The following AMOTL1 variants were observed in gnomAD, a reference collection of about 807,000 sequenced individuals.
AMOTL1 encodes angiomotin-like protein 1.
In AMOTL1, 45 loss-of-function variants were observed where a neutral mutation model predicts 102.9. That is an observed-to-expected ratio of 0.44 (90% CI 0.34 to 0.56). AMOTL1 has a LOEUF of 0.56. AMOTL1 is among the 20% of genes least tolerant of loss of function. AMOTL1 has a pLI of 0.01. For missense variants in AMOTL1, 1,114 were observed against 1,225.6 expected (o/e 0.91, Z 1.36); for synonymous variants, 481 against 484.7 (o/e 0.99, Z 0.10).
chr11:94,857,322 G>A (rs570802368), intron 8 of AMOTL1, among the ~76,000 whole-genome samples: 12 of 152,290 alleles, frequency 7.9e-5, no homozygotes, highest in Admixed American at 3.9e-4. Flanking sequence ...TAGGGCATTC[G>A]TAGGTACCCT....
chr11:94,717,773 A>G (rs1333963286), intron 1 of AMOTL1, among the ~76,000 whole-genome samples: 1 of 151,918 alleles, frequency 6.6e-6, no homozygotes, highest in Non-Finnish European at 1.5e-5. Flanking sequence ...CAATAAATAG[A>G]AAAAAGATCA....
chr11:94,860,450 C>G (rs1308302940), intron 9 of AMOTL1, among the ~76,000 whole-genome samples: 1 of 152,140 alleles, frequency 6.6e-6, no homozygotes, highest in South Asian at 2.1e-4. Flanking sequence ...TAAACTAGCT[C>G]AAAGTGTGCA....
At chr11:94,816,061 A>G (rs1951760377) in intron 3 of AMOTL1, among the ~76,000 whole-genome samples, 1 of 152,214 alleles carries the variant, frequency 6.6e-6, no homozygotes, top group African/African-American at 2.4e-5. Flanking sequence ...AGAATTGGGT[A>G]GTACAATGAA....
chr11:94,809,671 A>G lies in AMOTL1; in HGVS notation c.1121+9360A>G, dbSNP rs186013563. Among the ~76,000 whole-genome samples the G allele has an allele frequency of 4.2e-3, 638 of 152,362 alleles. 12 individuals carry two copies. The highest frequency in any genetic ancestry group is 0.035 in the South Asian group (169 of 4,832). ...TCATAACTTTATAGCCCTTATGCCA[A>G]ATTTTTACATCTAGCAGAGATAAAT... is the stretch of plus-strand genomic sequence containing the variant. On this transcript the variant is annotated intron_variant, in intron 3 of 12. Coordinates refer to ENST00000433060, the MANE Select transcript of AMOTL1 (RefSeq NM_130847.3).
chr11:94,837,741 T>A (rs965397613), intron 6 of AMOTL1, among the ~76,000 whole-genome samples: 5 of 152,250 alleles, frequency 3.3e-5, no homozygotes, highest in African/African-American at 9.6e-5. Flanking sequence ...TGCCTATTGG[T>A]CATGTGTTGA....
Position 94,824,402 on chromosome 11 carries a change from G to A in AMOTL1, c.1413+2581G>A, listed in dbSNP as rs529129355. ...CAGTTTCCAAGAACCTGTCAGTGACGTTACATGAGGACTTACTGTACTACA... is the reference window on the plus strand; with the variant it reads ...CAGTTTCCAAGAACCTGTCAGTGACATTACATGAGGACTTACTGTACTACA... On this transcript the variant is annotated intron_variant, in intron 4 of 12. Coordinates refer to ENST00000433060, the MANE Select transcript of AMOTL1 (RefSeq NM_130847.3). 2.6e-3 allele frequency among the ~76,000 whole-genome samples: 392 copies of A among 152,226 alleles called. 1 individual carries two copies. Among genetic ancestry groups the A allele is most frequent in the Non-Finnish European group, 3.7e-3 (254 of 68,016 alleles).
intron 1 of AMOTL1, among the ~76,000 whole-genome samples, chr11:94,776,116 C>T (rs1005345609): frequency 6.6e-6 from 1 of 152,186 alleles, no homozygotes; most frequent in South Asian, 2.1e-4. Context: ...ACCTTGGATC[C>T]GTTCCACTGT....
intron 1 of AMOTL1, among the ~76,000 whole-genome samples, chr11:94,712,732 T>C (rs1358512626): frequency 6.6e-6 from 1 of 152,014 alleles, no homozygotes; most frequent in Non-Finnish European, 1.5e-5. Flanking sequence ...ATTCTAGATA[T>C]AAGTCCTTTA....
intron 3 of AMOTL1, among the ~76,000 whole-genome samples, chr11:94,758,080 A>G (rs745572177): frequency 2.6e-5 from 4 of 152,226 alleles, no homozygotes; most frequent in Non-Finnish European, 5.9e-5. Context: ...AAAAAAGGCA[A>G]GAGTTCTGCA....
At position 94,799,337 on chromosome 11, in the gene AMOTL1, A is replaced by G. The variant is rs1312761236; in HGVS notation, c.200-53A>G. 1 of 1,386,822 alleles carries G rather than the reference A, an allele frequency of 7.2e-7. No homozygotes were observed. The highest frequency in any genetic ancestry group is 9.8e-7 in the Non-Finnish European group (1 of 1,023,138). 85.9% of individuals were successfully genotyped at this position (1,386,822 alleles called of 1,614,324 possible). A position where few individuals can be genotyped will look rare whatever the true frequency, so the allele number is the denominator to read the frequency against. Reference sequence around the variant, plus strand: ...AATTATGTACCACATAGTCACAGACATATATCTCCTGTGGAGCTGCCTGAT... The same window carrying G: ...AATTATGTACCACATAGTCACAGACGTATATCTCCTGTGGAGCTGCCTGAT... On this transcript the variant is annotated intron_variant, in intron 2 of 12. Transcript: ENST00000433060. This position sits in a 1 kb window ranked among gnomAD's most constrained non-coding sequence, Gnocchi z 4.5.
intron 4 of AMOTL1, among the ~76,000 whole-genome samples, chr11:94,825,390 C>A (rs992550040): frequency 6.6e-6 from 1 of 152,194 alleles, no homozygotes; most frequent in Non-Finnish European, 1.5e-5. Context: ...GGGGAAAAAA[C>A]CAGTATCTGG....
intron 1 of AMOTL1, among the ~76,000 whole-genome samples, chr11:94,715,480 C>G (rs1416759062): frequency 1.3e-5 from 2 of 152,088 alleles, no homozygotes; most frequent in Non-Finnish European, 2.9e-5. Flanking sequence ...CCCAGCCTTC[C>G]TTTGTTCTCA....
intron 2 of AMOTL1, among the ~76,000 whole-genome samples, chr11:94,729,396 C>T (rs1950312131): frequency 6.6e-6 from 1 of 152,176 alleles, no homozygotes; most frequent in African/African-American, 2.4e-5. Context: ...CTTTGAGCAC[C>T]TAACATGTGT....
chr11:94,708,161 C>T (rs564197020), intron 1 of AMOTL1, among the ~76,000 whole-genome samples: 1 of 152,316 alleles, frequency 6.6e-6, no homozygotes, highest in South Asian at 2.1e-4. Context: ...GCTCGTCCCC[C>T]CTGCTACCAG....
Position 94,869,358 on chromosome 11 carries a change from C to G in AMOTL1, c.2649C>G (p.Ala883=). The G allele has an allele frequency of 6.2e-7, 1 of 1,610,360 alleles. No homozygotes were observed. The highest frequency in any genetic ancestry group is 8.5e-7 in the Non-Finnish European group (1 of 1,178,450). The change falls in exon 12 of 13, where the codon GCC becomes GCG. Residue 883 remains alanine, a synonymous_variant. Coordinates refer to ENST00000433060, the MANE Select transcript of AMOTL1 (RefSeq NM_130847.3). Reference sequence around the variant, plus strand: ...GCAGCACACAGACTGACAAGAGTGCCGAGCTCTTCTGGCCCAGCATGGCCT... The same window carrying G: ...GCAGCACACAGACTGACAAGAGTGCGGAGCTCTTCTGGCCCAGCATGGCCT... ...KDSSTQTDKS[A]ELFWPSMASL... is the part of the protein sequence containing the mutation.
upstream of AMOTL1, among the ~76,000 whole-genome samples, chr11:94,766,416 C>T (rs1407046695): frequency 1.3e-5 from 2 of 152,202 alleles, no homozygotes; most frequent in South Asian, 2.1e-4. Context: ...GCAACTTGCT[C>T]AGCGTCACAC....
In AMOTL1 at chr11:94,875,235, T is replaced by C. The variant is rs1323490526; in HGVS notation, c.*4440T>C. On this transcript the variant is annotated 3_prime_UTR_variant, in exon 13 of 13. Transcript: ENST00000433060. ...GGAGATAGGCAAAGTAATTAAGAAG[T>C]TACCAGAAATTGGTCGGCTGGGGAA... The C allele has an allele frequency of 6.6e-6, 1 of 152,262 alleles. No homozygotes were observed. Among genetic ancestry groups the C allele is most frequent in the Non-Finnish European group, 1.5e-5 (1 of 68,038 alleles). The allele number at this position is 152,262 out of a possible 1,614,324, so 9.4% of individuals were successfully genotyped here. A position where few individuals can be genotyped will look rare whatever the true frequency, so the allele number is the denominator to read the frequency against.
chr11:94,782,138 A>T (rs1345724606), intron 1 of AMOTL1, among the ~76,000 whole-genome samples: 1 of 152,194 alleles, frequency 6.6e-6, no homozygotes, highest in Non-Finnish European at 1.5e-5. Context: ...ATGAAACTAG[A>T]TGCTTTTCTC....
chr11:94,874,086 G>A lies in AMOTL1; in HGVS notation c.*3291G>A, dbSNP rs1953054244. On this transcript the variant is annotated 3_prime_UTR_variant, in exon 13 of 13. Coordinates refer to ENST00000433060, the MANE Select transcript of AMOTL1 (RefSeq NM_130847.3). The stretch of plus-strand genomic sequence containing the variant: ...TCCAGCATTGTTCTGCTTCACCCTT[G>A]ACTGCGTTGTCTGGCAGTTTCTGTG... 1 of 152,220 alleles carries A rather than the reference G, an allele frequency of 6.6e-6. No individual in the cohort carries two copies. Among genetic ancestry groups the A allele is most frequent in the Non-Finnish European group, 1.5e-5 (1 of 68,058 alleles). The allele number at this position is 152,220 out of a possible 1,614,324, so 9.4% of individuals were successfully genotyped here. A position where few individuals can be genotyped will look rare whatever the true frequency, so the allele number is the denominator to read the frequency against.
Sources: allele counts gnomAD v4.1 joint callset (sites outside exome capture counted in the v4.1 genomes callset), GRCh38; gene constraint gnomAD v4.1.1; non-coding constraint Gnocchi (gnomAD v3.1); transcripts MANE v1.5; gene names NCBI Gene and HGNC (gene_info 2026-07-23, HGNC 2026-07-21).